ARL8A: variants seen among roughly 807,000 people sequenced by gnomAD.
ARL8A encodes ADP-ribosylation factor-like protein 8A.
A neutral mutation model predicts 31.2 loss-of-function variants in ARL8A; 10 were observed. The observed-to-expected ratio is 0.32, with a 90% confidence interval of 0.20 to 0.54. The LOEUF (loss-of-function observed/expected upper bound fraction) is 0.54. Among genes scored for constraint, ARL8A ranks in the 20% least tolerant of loss-of-function variants. ARL8A has a pLI of 0.93. For synonymous variants in ARL8A, 70 were observed against 86.9 expected, an observed-to-expected ratio of 0.81 and a Z score of 1.08; for missense variants, 129 against 242.8, an observed-to-expected ratio of 0.53 and a Z score of 3.12.
Position 202,134,591 on chromosome 1 carries a change from A to C in ARL8A, c.512-75T>G. ...GCTGGGGCAGCAGAGAGGCCCAAGA[A>C]ACCAAACCTAAGGGTATCAGAAGTC... On this transcript the variant is annotated intron_variant, in intron 6 of 6. Transcript: ENST00000272217. This position sits in a 1 kb window ranked among gnomAD's most constrained non-coding sequence, Gnocchi z 4.2. 2 of 1,372,924 alleles carry C rather than the reference A, an allele frequency of 1.5e-6. No individual in the cohort carries two copies. The highest frequency in any genetic ancestry group is 2.1e-6 in the Non-Finnish European group (2 of 960,702). 85.0% of individuals were successfully genotyped at this position (1,372,924 alleles called of 1,614,324 possible).
rs1349877760 is a variant in ARL8A, at chr1:202,144,066, G to A, written c.123+384C>T. On this transcript the variant is annotated intron_variant, in intron 1 of 6. Transcript: ENST00000272217. The surrounding 1 kb of genome is among the most constrained non-coding windows in gnomAD (Gnocchi z 5.2). ...GACCCTCTACCCGCGGGACAGGAAG[G>A]CCCGTGCACTTTCGCCCCGTCATGC... Among the ~76,000 whole-genome samples, 4 of 152,182 alleles carry A rather than the reference G, an allele frequency of 2.6e-5. No individual in the cohort carries two copies. The highest frequency in any genetic ancestry group is 2.6e-4 in the Admixed American group (4 of 15,292).
At chr1:202,142,673 A>T (rs569892700) in intron 1 of ARL8A, among the ~76,000 whole-genome samples, 1 of 152,272 alleles carries the variant, frequency 6.6e-6, no homozygotes, top group South Asian at 2.1e-4. Flanking sequence ...ATATCACAGG[A>T]ACTCTTGACC....
rs1025433345 is a variant in ARL8A, at chr1:202,144,223, G to T, written c.123+227C>A. Among the ~76,000 whole-genome samples, 3 of 152,120 alleles carry T rather than the reference G, an allele frequency of 2.0e-5. No homozygotes were observed. Among genetic ancestry groups the T allele is most frequent in the African/African-American group, 7.2e-5 (3 of 41,556 alleles). On this transcript the variant is annotated intron_variant, in intron 1 of 6. Coordinates refer to ENST00000272217, the MANE Select transcript of ARL8A (RefSeq NM_138795.4). The surrounding 1 kb of genome is among the most constrained non-coding windows in gnomAD (Gnocchi z 5.2). Reference sequence around the variant, plus strand: ...CGTCCCCCTTCCCCTGCCCCCAGCCGTGCAGTACCGGCCCGGGTGAGAGAG... The same window carrying T: ...CGTCCCCCTTCCCCTGCCCCCAGCCTTGCAGTACCGGCCCGGGTGAGAGAG...
At position 202,135,796 on chromosome 1, in the gene ARL8A, T is replaced by G. The variant is rs1654989701; in HGVS notation, c.283A>C (p.Met95Leu). The G allele has an allele frequency of 6.2e-7, 1 of 1,613,754 alleles. No homozygotes were observed. The highest frequency in any genetic ancestry group is 1.7e-5 in the Admixed American group (1 of 59,974). ...TTCTCCTGGTCAGCAGCATCCACCA[T>G]GTACCTGGGGAAAGAGGCAGGGTGG... ...YCRGVSAIVY[M>L]VDAADQEKIE... Residue 95 changes from methionine to leucine, a missense_variant, in exon 4 of 7, where the codon ATG becomes CTG. By Grantham distance (15) the Met-to-Leu change is conservative. Coordinates refer to ENST00000272217, the MANE Select transcript of ARL8A (RefSeq NM_138795.4). The surrounding 1 kb of genome is among the most constrained non-coding windows in gnomAD (Gnocchi z 5.3).
chr1:202,139,056 A>G (rs1190393420), intron 1 of ARL8A, among the ~76,000 whole-genome samples: 1 of 152,164 alleles, frequency 6.6e-6, no homozygotes, highest in Non-Finnish European at 1.5e-5. Flanking sequence ...ACTTCCTGGG[A>G]GAGGACCCAG....
At position 202,144,619 on chromosome 1, in the gene ARL8A, C is replaced by G. The variant is rs963844006; in HGVS notation, c.-47G>C. The G allele has an allele frequency of 1.5e-6, 2 of 1,347,888 alleles. No individual in the cohort carries two copies. The highest frequency in any genetic ancestry group is 1.9e-6 in the Non-Finnish European group (2 of 1,027,466). 83.5% of individuals were successfully genotyped at this position (1,347,888 alleles called of 1,614,324 possible). On this transcript the variant is annotated 5_prime_UTR_variant, in exon 1 of 7. Transcript: ENST00000272217. This position sits in a 1 kb window ranked among gnomAD's most constrained non-coding sequence, Gnocchi z 5.2. The stretch of plus-strand genomic sequence containing the variant: ...CCGGTGCCAGGTCCCCGCCGCCCCT[C>G]GCTGCCCTCGCGCTGCGGCCCGGAG...
intron 1 of ARL8A, among the ~76,000 whole-genome samples, chr1:202,141,564 C>G (rs1655165069): frequency 6.6e-6 from 1 of 151,638 alleles, no homozygotes. Flanking sequence ...ATTGCTTGAG[C>G]CTGGGAGGCG....
intron 1 of ARL8A, among the ~76,000 whole-genome samples, chr1:202,140,524 A>G (rs567159394): frequency 5.9e-5 from 9 of 152,112 alleles, no homozygotes; most frequent in Non-Finnish European, 7.4e-5. Flanking sequence ...CTGACACCCA[A>G]TGACAAGGTC....
intron 1 of ARL8A, among the ~76,000 whole-genome samples, chr1:202,139,299 G>A (rs1655100583): frequency 6.6e-6 from 1 of 152,170 alleles, no homozygotes. Flanking sequence ...GCTCGGCCGG[G>A]CGCGATGGCT....
intron 1 of ARL8A, among the ~76,000 whole-genome samples, chr1:202,140,699 C>T (rs950117205): frequency 6.6e-6 from 1 of 152,134 alleles, no homozygotes; most frequent in African/African-American, 2.4e-5. Context: ...CTGAGAGCCC[C>T]CAAAGTTAGG....
In ARL8A at chr1:202,134,563, C is replaced by G. The variant is rs200817993; in HGVS notation, c.512-47G>C. The G allele has an allele frequency of 1.1e-4, 177 of 1,561,774 alleles. No individual in the cohort carries two copies. The Admixed American group carries it at 2.9e-3, about 25-fold the overall frequency. On this transcript the variant is annotated intron_variant, in intron 6 of 6. Transcript: ENST00000272217. This position sits in a 1 kb window ranked among gnomAD's most constrained non-coding sequence, Gnocchi z 4.2. ...GCTTATAAGGCCTGCAAGTACTGGC[C>G]GTGCTGGGGCAGCAGAGAGGCCCAA...
At chr1:202,140,233 A>C (rs1200963381) in intron 1 of ARL8A, among the ~76,000 whole-genome samples, 1 of 149,272 alleles carries the variant, frequency 6.7e-6, no homozygotes, top group Non-Finnish European at 1.5e-5. Flanking sequence ...GGGTTCAAGC[A>C]GTTCTCCTGC....
chr1:202,135,592 C>G lies in ARL8A; in HGVS notation c.373-66G>C, dbSNP rs1415154108. 6.3e-7 allele frequency: 1 copy of G among 1,588,442 alleles called. No individual in the cohort carries two copies. Among genetic ancestry groups the G allele is most frequent in the Non-Finnish European group, 8.6e-7 (1 of 1,157,386 alleles). ...GTGCCCAGGTTGTCTGGGTGGTGAG[C>G]TGGCCTCCTGGGTCCCGTTTCCTCT... On this transcript the variant is annotated intron_variant, in intron 4 of 6. Transcript: ENST00000272217. This position sits in a 1 kb window ranked among gnomAD's most constrained non-coding sequence, Gnocchi z 5.3.
In ARL8A at chr1:202,138,294, A is replaced by AACAC. The variant is rs10531175; in HGVS notation, c.204+70_204+73dup. ...CCCAGGGGCCTCCGTTGCCCTCCCC[A>AACAC]ACACACACACACACACACACACACA... On this transcript the variant is annotated intron_variant, in intron 2 of 6. Coordinates refer to ENST00000272217, the MANE Select transcript of ARL8A (RefSeq NM_138795.4). The surrounding 1 kb of genome is among the most constrained non-coding windows in gnomAD (Gnocchi z 4.4). The AACAC allele has an allele frequency of 7.5e-4, 998 of 1,337,572 alleles. No individual in the cohort carries two copies. The highest frequency in any genetic ancestry group is 2.3e-3 in the African/African-American group (154 of 66,878). The allele number at this position is 1,337,572 out of a possible 1,614,324, so 82.9% of individuals were successfully genotyped here. A position where few individuals can be genotyped will look rare whatever the true frequency, so the allele number is the denominator to read the frequency against.
chr1:202,140,468 C>A (rs1205990688), intron 1 of ARL8A, among the ~76,000 whole-genome samples: 1 of 152,094 alleles, frequency 6.6e-6, no homozygotes, highest in Non-Finnish European at 1.5e-5. Flanking sequence ...CAGGAACCAC[C>A]TATTCATCAG....
chr1:202,141,280 A>C (rs1472045777), intron 1 of ARL8A, among the ~76,000 whole-genome samples: 1 of 152,182 alleles, frequency 6.6e-6, no homozygotes, highest in African/African-American at 2.4e-5. Context: ...CTCTTGTCTC[A>C]GACTTCAGTC....
rs140334774 is a variant in ARL8A at position 202,135,395 on chromosome 1, G to C, written c.440+64C>G. The C allele has an allele frequency of 8.8e-5, 138 of 1,570,368 alleles. No homozygotes were observed. The East Asian group carries it at 3.0e-3, about 34-fold the overall frequency. On this transcript the variant is annotated intron_variant, in intron 5 of 6. Transcript: ENST00000272217. This position sits in a 1 kb window ranked among gnomAD's most constrained non-coding sequence, Gnocchi z 5.3. ...AATACTAAGAACAGCAGCAAGCCTA[G>C]GCTGTTGGTCTGGTGGTTGGGGAAT...
Position 202,138,319 on chromosome 1 carries a change from ACACACAC to A in ARL8A, c.204+42_204+48del. ...AACACACACACACACACACACACACACACACACAAAAACAGTCCTCTGCACCCCCCAA... is the reference window on the plus strand; with the variant it reads ...AACACACACACACACACACACACACAAAAAACAGTCCTCTGCACCCCCCAA... On this transcript the variant is annotated intron_variant, in intron 2 of 6. Transcript: ENST00000272217. The surrounding 1 kb of genome is among the most constrained non-coding windows in gnomAD (Gnocchi z 4.4). 15 of 1,554,932 alleles carry A rather than the reference ACACACAC, an allele frequency of 9.6e-6. No homozygotes were observed. The highest frequency in any genetic ancestry group is 1.4e-5 in the African/African-American group (1 of 73,324).
At chr1:202,137,595 G>A (rs923612284) in intron 3 of ARL8A, among the ~76,000 whole-genome samples, 2 of 151,150 alleles carry the variant, frequency 1.3e-5, no homozygotes, top group Admixed American at 6.6e-5. Flanking sequence ...ACCATTGCAC[G>A]CCAGCCTGGG....
Sources: allele counts gnomAD v4.1 joint callset (sites outside exome capture counted in the v4.1 genomes callset), GRCh38; gene constraint gnomAD v4.1.1; non-coding constraint Gnocchi (gnomAD v3.1); transcripts MANE v1.5; gene names NCBI Gene and HGNC (gene_info 2026-07-23, HGNC 2026-07-21).